Variants in UTRN observed in about 807,000 individuals in gnomAD.
UTRN encodes dystrophin-related protein 1.
In UTRN, 283 loss-of-function variants were observed where a neutral mutation model predicts 463.9. The observed-to-expected ratio is 0.61, with a 90% CI of 0.55 to 0.67. The LOEUF (loss-of-function observed/expected upper bound fraction) is 0.67. Ranked by LOEUF, UTRN falls within the 30% of genes least tolerant of loss-of-function variation. UTRN has a pLI of 0.00. For synonymous variants in UTRN, 1,442 were observed against 1,431.5 expected, an observed-to-expected ratio of 1.01 and a Z score of -0.17; for missense variants, 3,922 against 4,084.3, an observed-to-expected ratio of 0.96 and a Z score of 1.08.
chr6:144,314,148 T>C (rs1196441137), intron 2 of UTRN, among the ~76,000 whole-genome samples: 1 of 152,074 alleles, frequency 6.6e-6, no homozygotes, highest in East Asian at 1.9e-4. Context: ...TGTGATTAAA[T>C]GGCAGTTTGC....
At chr6:144,518,756 ATTTG>A (rs1036550767) in intron 39 of UTRN, among the ~76,000 whole-genome samples, 1 of 152,198 alleles carries the variant, frequency 6.6e-6, no homozygotes, top group Non-Finnish European at 1.5e-5. Flanking sequence ...ACATAAATAA[ATTTG>A]TTTGTTAAAA....
At chr6:144,335,755 T>G (rs1776670746) in intron 2 of UTRN, among the ~76,000 whole-genome samples, 1 of 152,176 alleles carries the variant, frequency 6.6e-6, no homozygotes, top group African/African-American at 2.4e-5. Flanking sequence ...TGACTTGAAT[T>G]CTCTAGTTCT....
chr6:144,491,953 G>C (rs1793113374), intron 32 of UTRN, among the ~76,000 whole-genome samples: 1 of 152,076 alleles, frequency 6.6e-6, no homozygotes, highest in African/African-American at 2.4e-5. Context: ...TAACTAGGAA[G>C]AAGACAGCTC....
rs537180645 is a variant in UTRN, at chr6:144,533,276, T to C, written c.6233+16T>C. The C allele has an allele frequency of 3.0e-4, 482 of 1,613,360 alleles. 6 individuals are homozygous for C. The South Asian group carries it at 5.1e-3, about 17-fold the overall frequency. Reference sequence around the variant, plus strand: ...GGCAGCCAAGGTGATTTAGCTATGATTGTTTGCAGGCACAGGAGTGAACAT... The same window carrying C: ...GGCAGCCAAGGTGATTTAGCTATGACTGTTTGCAGGCACAGGAGTGAACAT... On this transcript the variant is annotated intron_variant, in intron 43 of 74. Coordinates refer to ENST00000367545, the MANE Select transcript of UTRN (RefSeq NM_007124.3).
intron 51 of UTRN, among the ~76,000 whole-genome samples, chr6:144,646,478 T>A (rs1191877423): frequency 6.6e-6 from 1 of 152,104 alleles, no homozygotes; most frequent in Non-Finnish European, 1.5e-5. Context: ...TGACTGTCAT[T>A]CCTCCATTCT....
intron 45 of UTRN, 39 bp from the exon 46 acceptor site, chr6:144,542,756 C>T (rs774029563): frequency 2.5e-5 from 39 of 1,578,042 alleles, no homozygotes; most frequent in Admixed American, 7.3e-5. Flanking sequence ...TCTTTATTTA[C>T]GTAGTATTCT....
intron 53 of UTRN, among the ~76,000 whole-genome samples, chr6:144,704,291 C>A (rs569315815): frequency 6.6e-6 from 1 of 152,208 alleles, no homozygotes; most frequent in African/African-American, 2.4e-5. Flanking sequence ...CTATCTTTTT[C>A]TTTAGCTGCC....
Position 144,516,131 on chromosome 6 carries a change from A to G in UTRN, c.5245-98A>G, listed in dbSNP as rs1795591148. 3 of 1,255,230 alleles carry G rather than the reference A, an allele frequency of 2.4e-6. No homozygotes were observed. In the Admixed American group the frequency reaches 6.8e-5, roughly 29 times the overall value. 77.8% of individuals were successfully genotyped at this position (1,255,230 alleles called of 1,614,324 possible). On this transcript the variant is annotated intron_variant, in intron 37 of 74. Transcript: ENST00000367545. ...CTGAGCTGAATAGAAAAGTCAGTTA[A>G]AAAAGTGTTAGTTTCTCTCTTGACA... is the stretch of plus-strand genomic sequence containing the variant.
chr6:144,678,686 C>T, intron 52 of UTRN, 108 bp downstream of exon 52: 2 of 1,034,460 alleles, frequency 1.9e-6, no homozygotes, highest in South Asian at 2.0e-5. Context: ...ACTTCTATTT[C>T]ATCAGAAATA....
At chr6:144,750,992 C>T (rs1791332695) in intron 55 of UTRN, among the ~76,000 whole-genome samples, 2 of 152,142 alleles carry the variant, frequency 1.3e-5, no homozygotes, top group African/African-American at 4.8e-5. Flanking sequence ...TCTTCCTGCC[C>T]AAGCCCTAAC....
At chr6:144,319,856 A>AT (rs36057957) in intron 2 of UTRN, among the ~76,000 whole-genome samples, 280 of 141,652 alleles carry the variant, frequency 2.0e-3, no homozygotes, top group Middle Eastern at 3.8e-3. Context: ...ACTTAAGTAC[A>AT]TTTTTTTTTT....
chr6:144,353,187 T>C (rs2114663652), intron 2 of UTRN, among the ~76,000 whole-genome samples: 1 of 152,228 alleles, frequency 6.6e-6, no homozygotes, highest in East Asian at 1.9e-4. Context: ...CGATCTCAGC[T>C]CACTGCAACC....
chr6:144,733,139 T>C (rs1012316765), intron 54 of UTRN, among the ~76,000 whole-genome samples: 1 of 152,216 alleles, frequency 6.6e-6, no homozygotes, highest in East Asian at 1.9e-4. Context: ...TCTGAAGATA[T>C]CATTTGCTGA....
At chr6:144,847,936 G>A (rs1782160934) in intron 74 of UTRN, among the ~76,000 whole-genome samples, 1 of 152,178 alleles carries the variant, frequency 6.6e-6, no homozygotes, top group African/African-American at 2.4e-5. Context: ...CAGCTTTGGA[G>A]AACATTTTCT....
chr6:144,660,872 G>C (rs1219948203), intron 51 of UTRN, among the ~76,000 whole-genome samples: 1 of 152,210 alleles, frequency 6.6e-6, no homozygotes, highest in Non-Finnish European at 1.5e-5. Context: ...TATTAAATGT[G>C]CGTGTAGCTC....
At chr6:144,353,177 C>T (rs1177037043) in intron 2 of UTRN, among the ~76,000 whole-genome samples, 2 of 151,832 alleles carry the variant, frequency 1.3e-5, no homozygotes, top group Admixed American at 1.3e-4. Flanking sequence ...TGCAGTGGTG[C>T]GATCTCAGCT....
At chr6:144,530,163 A>G (rs146035587) in intron 41 of UTRN, among the ~76,000 whole-genome samples, 1 of 152,338 alleles carries the variant, frequency 6.6e-6, no homozygotes, top group Non-Finnish European at 1.5e-5. Flanking sequence ...AGCTTAAACA[A>G]CAGACATTTA....
chr6:144,731,060 GATAA>G (rs1345741718), intron 54 of UTRN, among the ~76,000 whole-genome samples: 4 of 150,398 alleles, frequency 2.7e-5, no homozygotes, highest in African/African-American at 9.7e-5. Flanking sequence ...CATGTTATGT[GATAA>G]ATAATTGCAA....
At position 144,554,721 on chromosome 6, in the gene UTRN, A is replaced by G; in HGVS notation, c.6962A>G (p.Gln2321Arg). ...GTCAAGAACCAGTGGGATGGCACCC[A>G]GCATGGCGTTGAGCTAAGACAGCAG... ...ERVKNQWDGT[Q>R]HGVELRQQQL... The change falls in exon 49 of 75, where the codon CAG (glutamine) becomes CGG (arginine). Residue 2321 changes from glutamine to arginine, a missense_variant. By Grantham distance (43) the Gln-to-Arg change is conservative. This residue lies in a region of UTRN where 1,309 missense variants were observed against 1,452.6 expected (regional missense o/e 0.90). Coordinates refer to ENST00000367545, the MANE Select transcript of UTRN (RefSeq NM_007124.3). 6.2e-7 allele frequency: 1 copy of G among 1,614,024 alleles called. No individual in the cohort carries two copies. The highest frequency in any genetic ancestry group is 1.3e-5 in the African/African-American group (1 of 75,012).
Sources: gnomAD v4.1 joint callset for allele counts (sites outside exome capture counted in the v4.1 genomes callset) on GRCh38, gnomAD v4.1.1 for gene constraint, gnomAD v4.1.1 regional missense constraint, MANE v1.5 for transcripts, NCBI Gene and HGNC (gene_info 2026-07-23, HGNC 2026-07-21) for gene names.